Variants in SSBP2 observed in about 807,000 individuals in gnomAD.
SSBP2 encodes single-stranded DNA-binding protein 2.
Under a neutral mutation model 61.8 loss-of-function variants are expected in SSBP2, and 17 were observed. That is an observed-to-expected ratio of 0.28 (90% CI 0.19 to 0.41). The LOEUF (loss-of-function observed/expected upper bound fraction) is 0.41. Ranked by LOEUF, SSBP2 falls within the 10% of genes least tolerant of loss-of-function variation. The probability of loss-of-function intolerance (pLI) is 1.00; values close to 1 mark genes in which losing one functional copy is unlikely to be tolerated. For synonymous variants in SSBP2, 139 were observed against 141.3 expected (o/e 0.98, Z 0.12); for missense variants, 310 against 458.7 (o/e 0.68, Z 2.96).
At chr5:81,692,977 G>A (rs1561698412) in intron 1 of SSBP2, among the ~76,000 whole-genome samples, 1 of 151,998 alleles carries the variant, frequency 6.6e-6, no homozygotes, top group Admixed American at 6.6e-5. Flanking sequence ...AGGCTGAGGT[G>A]GGTGGATCAC....
At chr5:81,633,418 C>T (rs1006851692) in intron 3 of SSBP2, among the ~76,000 whole-genome samples, 1 of 152,038 alleles carries the variant, frequency 6.6e-6, no homozygotes, top group African/African-American at 2.4e-5. Context: ...ACCTGGCCAC[C>T]TTCTTTCTCC....
chr5:81,459,143 G>A (rs951775505), intron 10 of SSBP2, among the ~76,000 whole-genome samples: 1 of 151,976 alleles, frequency 6.6e-6, no homozygotes, highest in Non-Finnish European at 1.5e-5. Flanking sequence ...TGTTTCTCAG[G>A]GTCTAAAATA....
At chr5:81,578,796 G>T (rs1357720021) in intron 4 of SSBP2, among the ~76,000 whole-genome samples, 3 of 150,524 alleles carry the variant, frequency 2.0e-5, no homozygotes, top group African/African-American at 7.3e-5. Context: ...TTTTTTTCTA[G>T]ACTTCTGTTC....
intron 2 of SSBP2, among the ~76,000 whole-genome samples, chr5:81,643,925 A>C (rs1316836765): frequency 6.6e-6 from 1 of 152,128 alleles, no homozygotes; most frequent in Non-Finnish European, 1.5e-5. Context: ...TTTTAATTCA[A>C]AAAATTAAAG....
intron 15 of SSBP2, among the ~76,000 whole-genome samples, chr5:81,429,377 C>A (rs566950754): frequency 2.0e-5 from 3 of 152,228 alleles, no homozygotes; most frequent in Admixed American, 6.5e-5. Context: ...GCAATCTAAT[C>A]GAACACCAAG....
intron 3 of SSBP2, among the ~76,000 whole-genome samples, chr5:81,634,725 T>G (rs920338831): frequency 6.6e-5 from 10 of 152,216 alleles, no homozygotes; most frequent in African/African-American, 2.4e-4. Flanking sequence ...TTTCTTTTCT[T>G]CCCATGTGCT....
chr5:81,437,485 T>C, intron 14 of SSBP2, 27 bp from the exon 15 acceptor site: 1 of 1,588,226 alleles, frequency 6.3e-7, no homozygotes, highest in Non-Finnish European at 8.6e-7. Context: ...AAAGAAAGCC[T>C]TTATTAGGTA....
intron 4 of SSBP2, among the ~76,000 whole-genome samples, chr5:81,608,573 C>T (rs1278830455): frequency 6.6e-6 from 1 of 152,216 alleles, no homozygotes; most frequent in East Asian, 1.9e-4. Context: ...AAACCACACT[C>T]AGTCTTTAAA....
chr5:81,440,465 G>T, intron 14 of SSBP2, 93 bp downstream of exon 14: 1 of 994,792 alleles, frequency 1.0e-6, no homozygotes, highest in Non-Finnish European at 1.5e-6. Flanking sequence ...TGAGTAGCTG[G>T]CTATGGAAGA....
intron 1 of SSBP2, among the ~76,000 whole-genome samples, chr5:81,669,348 T>G (rs1168970511): frequency 1.3e-5 from 2 of 152,174 alleles, no homozygotes. Flanking sequence ...AACTGAAAAC[T>G]TATGTCCACA....
chr5:81,520,942 C>T (rs1251596491), intron 4 of SSBP2, among the ~76,000 whole-genome samples: 2 of 152,014 alleles, frequency 1.3e-5, no homozygotes, highest in Admixed American at 1.3e-4. Context: ...TAATCACTGC[C>T]TTGAATCTAT....
At chr5:81,605,520 C>T (rs972797521) in intron 4 of SSBP2, among the ~76,000 whole-genome samples, 2 of 151,926 alleles carry the variant, frequency 1.3e-5, no homozygotes, top group East Asian at 3.9e-4. Flanking sequence ...CCCTTTGCAC[C>T]AGACAGGGGC....
intron 4 of SSBP2, among the ~76,000 whole-genome samples, chr5:81,517,328 T>G (rs984238748): frequency 6.6e-6 from 1 of 151,868 alleles, no homozygotes; most frequent in Non-Finnish European, 1.5e-5. Flanking sequence ...ATTTTCTAAC[T>G]GCTCTTGAAG....
At chr5:81,473,944 C>A (rs1390134335) in intron 7 of SSBP2, among the ~76,000 whole-genome samples, 174 bp from the exon 8 acceptor site, 1 of 152,196 alleles carries the variant, frequency 6.6e-6, no homozygotes, top group East Asian at 1.9e-4. Context: ...CCTACCCACA[C>A]CCTCTATTAA....
At position 81,430,800 on chromosome 5, in the gene SSBP2, A is replaced by G. The variant is rs183582014; in HGVS notation, c.958-2117T>C. 9.8e-5 allele frequency among the ~76,000 whole-genome samples: 15 copies of G among 152,330 alleles called. No individual in the cohort carries two copies. The East Asian group carries it at 2.9e-3, about 29-fold the overall frequency. ...GATTGAAAGGATACATTCAACATAC[A>G]AAACTGAGATAAAATCAGATCTCTG... On this transcript the variant is annotated intron_variant, in intron 15 of 16. Coordinates refer to ENST00000320672, the MANE Select transcript of SSBP2 (RefSeq NM_012446.5).
intron 1 of SSBP2, among the ~76,000 whole-genome samples, chr5:81,676,697 T>C (rs770381183): frequency 3.3e-5 from 5 of 152,182 alleles, no homozygotes; most frequent in Non-Finnish European, 7.4e-5. Flanking sequence ...TACCCCCTCC[T>C]TCCCCTCTTT....
chr5:81,662,654 T>C (rs944601103), intron 1 of SSBP2, among the ~76,000 whole-genome samples: 15 of 151,696 alleles, frequency 9.9e-5, no homozygotes, highest in African/African-American at 3.4e-4. Context: ...ATACAAAAAT[T>C]AGCTGGGCAT....
chr5:81,586,098 A>G (rs574220189), intron 4 of SSBP2, among the ~76,000 whole-genome samples: 1 of 152,346 alleles, frequency 6.6e-6, no homozygotes, highest in East Asian at 1.9e-4. Context: ...TAATGCTGCA[A>G]TGAACATGGG....
chr5:81,481,896 C>T lies in SSBP2; in HGVS notation c.433-7334G>A, dbSNP rs547351346. 3.9e-5 allele frequency among the ~76,000 whole-genome samples: 6 copies of T among 152,020 alleles called. No individual in the cohort carries two copies. In the East Asian group the frequency reaches 1.2e-3, roughly 30 times the overall value. ...TGCTGTAAAAAAGATGCACTGTCAT[C>T]CAGGCTTTGTTGTTCCATTTATAAA... On this transcript the variant is annotated intron_variant, in intron 6 of 16. Transcript: ENST00000320672.
Sources: allele counts gnomAD v4.1 joint callset (sites outside exome capture counted in the v4.1 genomes callset), GRCh38; gene constraint gnomAD v4.1.1; transcripts MANE v1.5; gene names NCBI Gene and HGNC (gene_info 2026-07-23, HGNC 2026-07-21).